Variants in SH3BGR observed in about 807,000 individuals in gnomAD.
The protein encoded by SH3BGR is SH3 domain-binding glutamic acid-rich protein.
In SH3BGR, 29 loss-of-function variants were observed where a neutral mutation model predicts 24.5. The observed-to-expected ratio is 1.18, with a 90% confidence interval of 0.88 to 1.61. The LOEUF is 1.61. Among genes scored for constraint, SH3BGR ranks in the 40% most tolerant of loss-of-function variants. The pLI, the probability that SH3BGR is intolerant of heterozygous loss-of-function variation, is 0.00. For missense variants in SH3BGR, 162 were observed against 205.8 expected (o/e 0.79, Z 1.30); for synonymous variants, 55 against 65.7 (o/e 0.84, Z 0.79).
At chr21:39,496,759 AT>A (rs2078404558) in intron 3 of SH3BGR, among the ~76,000 whole-genome samples, 1 of 152,136 alleles carries the variant, frequency 6.6e-6, no homozygotes, top group Non-Finnish European at 1.5e-5. Flanking sequence ...TTAGGAATAA[AT>A]TTATCAAGAA....
At chr21:39,452,206 GC>G in intron 1 of SH3BGR, 65 bp downstream of exon 1, 1 of 1,594,618 alleles carries the variant, frequency 6.3e-7, no homozygotes. Context: ...TGGAAATATG[GC>G]CAACGTTGGC....
At chr21:39,460,043 A>G (rs2077729351) in intron 1 of SH3BGR, among the ~76,000 whole-genome samples, 1 of 152,192 alleles carries the variant, frequency 6.6e-6, no homozygotes, top group African/African-American at 2.4e-5. Context: ...AAGGAGTTCT[A>G]AGTGTGAGAG....
chr21:39,473,890 A>AC (rs1350333827), intron 2 of SH3BGR, among the ~76,000 whole-genome samples: 5 of 151,458 alleles, frequency 3.3e-5, no homozygotes, highest in African/African-American at 7.3e-5. Flanking sequence ...GTCTCAAAAA[A>AC]AAAAACAAAA....
intron 2 of SH3BGR, among the ~76,000 whole-genome samples, chr21:39,472,699 T>C (rs1214744409): frequency 6.6e-6 from 1 of 152,228 alleles, no homozygotes; most frequent in Non-Finnish European, 1.5e-5. Flanking sequence ...GAAGCAAAGT[T>C]GAATCAGGGA....
chr21:39,468,259 T>G (rs1225140532), intron 2 of SH3BGR, among the ~76,000 whole-genome samples: 1 of 152,228 alleles, frequency 6.6e-6, no homozygotes, highest in Non-Finnish European at 1.5e-5. Context: ...CTATGTTATG[T>G]TCCTAAAATT....
chr21:39,457,417 A>G (rs1319662483), intron 1 of SH3BGR, among the ~76,000 whole-genome samples: 1 of 142,794 alleles, frequency 7.0e-6, no homozygotes, highest in African/African-American at 2.5e-5. Flanking sequence ...TATATATAAG[A>G]TTATTATATA....
chr21:39,506,990 A>G lies in SH3BGR; in HGVS notation c.406-2008A>G, dbSNP rs552442607. Among the ~76,000 whole-genome samples the G allele has an allele frequency of 2.6e-5, 4 of 152,286 alleles. No homozygotes were observed. The East Asian group carries it at 7.7e-4, about 29-fold the overall frequency. ...GGTCATGGCAGAGGAGGGGCGAGAC[A>G]TGGGCAGGATTAGGCAGGATTAAAG... is the stretch of plus-strand genomic sequence containing the variant. On this transcript the variant is annotated intron_variant, in intron 4 of 6. Transcript: ENST00000333634.
chr21:39,453,578 G>T (rs1373936187), intron 1 of SH3BGR, among the ~76,000 whole-genome samples: 1 of 152,136 alleles, frequency 6.6e-6, no homozygotes, highest in Non-Finnish European at 1.5e-5. Context: ...TTTATTTGAT[G>T]TCCTGTGTTC....
At position 39,463,382 on chromosome 21, in the gene SH3BGR, T is replaced by C. The variant is rs908604792; in HGVS notation, c.231+822T>C. Among the ~76,000 whole-genome samples the C allele has an allele frequency of 7.2e-5, 11 of 152,302 alleles. No homozygotes were observed. In the East Asian group the frequency reaches 1.5e-3, roughly 21 times the overall value. On this transcript the variant is annotated intron_variant, in intron 2 of 6. Coordinates refer to ENST00000333634, the MANE Select transcript of SH3BGR (RefSeq NM_007341.3). ...GAGTTTATAGATCATACTTAATAAA[T>C]CAAGTCGTTGGAAAGAAATATTTTT...
chr21:39,459,371 C>T (rs191007146), intron 1 of SH3BGR, among the ~76,000 whole-genome samples: 6 of 152,072 alleles, frequency 3.9e-5, no homozygotes, highest in East Asian at 3.9e-4. Flanking sequence ...ACTACAGGTG[C>T]GTGCCACCAT....
intron 3 of SH3BGR, among the ~76,000 whole-genome samples, chr21:39,481,778 A>G (rs2078134291): frequency 6.6e-6 from 1 of 152,210 alleles, no homozygotes; most frequent in African/African-American, 2.4e-5. Context: ...TAGGTCAAAT[A>G]TCGAATAAAT....
chr21:39,464,608 T>C (rs1051098293), intron 2 of SH3BGR, among the ~76,000 whole-genome samples: 2 of 152,222 alleles, frequency 1.3e-5, no homozygotes, highest in Admixed American at 6.5e-5. Flanking sequence ...TACAAACTTA[T>C]GTGGTTGTGT....
At chr21:39,479,435 ATGG>A (rs951004876) in intron 3 of SH3BGR, among the ~76,000 whole-genome samples, 2 of 123,146 alleles carry the variant, frequency 1.6e-5, no homozygotes, top group African/African-American at 3.3e-5. Context: ...GAGGTGGGTG[ATGG>A]TGGTGGTGAT....
chr21:39,496,386 G>C (rs2123484711), intron 3 of SH3BGR, among the ~76,000 whole-genome samples: 1 of 151,822 alleles, frequency 6.6e-6, no homozygotes, highest in East Asian at 1.9e-4. Flanking sequence ...TGTAGTCCCA[G>C]CTACTCGGGA....
At chr21:39,452,898 G>A (rs2077597060) in intron 1 of SH3BGR, among the ~76,000 whole-genome samples, 1 of 152,204 alleles carries the variant, frequency 6.6e-6, no homozygotes, top group South Asian at 2.1e-4. Flanking sequence ...TTTTAGGCTT[G>A]AACCTATATA....
intron 5 of SH3BGR, 80 bp downstream of exon 5, chr21:39,509,107 G>T: frequency 2.6e-6 from 3 of 1,168,504 alleles, no homozygotes; most frequent in South Asian, 2.7e-5. Context: ...GCAGCTTGAG[G>T]CACGTTCTTA....
At chr21:39,473,595 A>T (rs2077976783) in intron 2 of SH3BGR, among the ~76,000 whole-genome samples, 1 of 152,136 alleles carries the variant, frequency 6.6e-6, no homozygotes, top group Non-Finnish European at 1.5e-5. Flanking sequence ...TAAGAGTAAC[A>T]CACAGGAGGC....
chr21:39,446,765 T>C (rs1352405320), intron 1 of SH3BGR, among the ~76,000 whole-genome samples: 1 of 152,206 alleles, frequency 6.6e-6, no homozygotes, highest in East Asian at 1.9e-4. Context: ...TTGTAAGGAC[T>C]TTTGATGCTT....
At chr21:39,445,874 G>C (rs1279825428), upstream of SH3BGR, 1 of 152,344 alleles carries the variant, frequency 6.6e-6, no homozygotes, top group Non-Finnish European at 1.5e-5. Flanking sequence ...CGGCGGGGAG[G>C]GGCGTCTTGG....
Sources: gnomAD v4.1 joint callset for allele counts (sites outside exome capture counted in the v4.1 genomes callset) on GRCh38, gnomAD v4.1.1 for gene constraint, MANE v1.5 for transcripts, NCBI Gene and HGNC (gene_info 2026-07-23, HGNC 2026-07-21) for gene names.